Variants in KLF13 observed in about 807,000 individuals in gnomAD.
KLF13 encodes the protein KLF transcription factor 13.
A neutral mutation model predicts 16.7 loss-of-function variants in KLF13; 8 were observed. The observed-to-expected ratio is 0.48, with a 90% confidence interval of 0.28 to 0.87. KLF13 has a LOEUF of 0.87. Ranked by LOEUF, KLF13 falls within the 40% of genes least tolerant of loss-of-function variation. The probability of loss-of-function intolerance (pLI) is 0.10; values close to 1 mark genes in which losing one functional copy is unlikely to be tolerated. For synonymous variants in KLF13, 245 were observed against 208.4 expected, an observed-to-expected ratio of 1.18 and a Z score of -1.51; for missense variants, 447 against 452.2, an observed-to-expected ratio of 0.99 and a Z score of 0.10.
At chr15:31,350,317 G>C (rs890674586) in intron 1 of KLF13, among the ~76,000 whole-genome samples, 1 of 152,246 alleles carries the variant, frequency 6.6e-6, no homozygotes, top group Non-Finnish European at 1.5e-5. Context: ...CCTGGATGCC[G>C]ACCACATTGG....
chr15:31,412,384 C>T (rs576003742), intron 1 of KLF13, among the ~76,000 whole-genome samples: 19 of 149,906 alleles, frequency 1.3e-4, no homozygotes, highest in African/African-American at 4.7e-4. Flanking sequence ...CAAGACAAGA[C>T]ATAAAATATC....
intron 1 of KLF13, among the ~76,000 whole-genome samples, chr15:31,424,226 G>C (rs1476180699): frequency 6.6e-6 from 1 of 152,118 alleles, no homozygotes; most frequent in South Asian, 2.1e-4. Context: ...AATTTGATGA[G>C]ACCAACATTA....
chr15:31,355,543 ACCTT>A (rs1486123815), intron 1 of KLF13, among the ~76,000 whole-genome samples: 2 of 152,016 alleles, frequency 1.3e-5, no homozygotes, highest in Non-Finnish European at 2.9e-5. Context: ...TTTGGTATTT[ACCTT>A]TCCCAGCTCG....
rs925123341 is a variant in KLF13 at position 31,373,157 on chromosome 15, C to G, written c.*858C>G. On this transcript the variant is annotated 3_prime_UTR_variant, in exon 2 of 2. Transcript: ENST00000307145. ...ATGCAGGACCCTGTCACTACTATAC[C>G]TGGGCCTCTGATGGGGAATTCTGGT... 1 of 152,270 alleles carries G rather than the reference C, an allele frequency of 6.6e-6. No individual in the cohort carries two copies. The highest frequency in any genetic ancestry group is 2.4e-5 in the African/African-American group (1 of 41,464). 9.4% of individuals were successfully genotyped at this position (152,270 alleles called of 1,614,324 possible).
intron 1 of KLF13, among the ~76,000 whole-genome samples, chr15:31,366,730 C>CTCACTGTGTGCCCCCCTGTGT (rs2039478396): frequency 5.2e-4 from 1 of 1,920 alleles, no homozygotes; most frequent in Non-Finnish European, 7.7e-4. Flanking sequence ...GGCCCCTCAC[C>CTCACTGTGTGCCCCCCTGTGT]TCACTGTGTG....
At chr15:31,334,693 GC>G (rs2038897269) in intron 1 of KLF13, among the ~76,000 whole-genome samples, 1 of 150,634 alleles carries the variant, frequency 6.6e-6, no homozygotes, top group Non-Finnish European at 1.5e-5. Context: ...CTCCCAAAGT[GC>G]TGGGATTACA....
At chr15:31,432,880 C>G (rs945734258) in intron 1 of KLF13, among the ~76,000 whole-genome samples, 1 of 151,934 alleles carries the variant, frequency 6.6e-6, no homozygotes, top group Non-Finnish European at 1.5e-5. Context: ...TTTGGGAGGC[C>G]GAGGCAGGCG....
intron 1 of KLF13, among the ~76,000 whole-genome samples, chr15:31,427,624 A>T (rs1442617529): frequency 1.3e-5 from 2 of 152,238 alleles, no homozygotes; most frequent in Non-Finnish European, 2.9e-5. Flanking sequence ...ATGGTGTATG[A>T]GTCATTTCTC....
chr15:31,359,276 GTATTC>G (rs2039346166), intron 1 of KLF13, among the ~76,000 whole-genome samples: 1 of 152,206 alleles, frequency 6.6e-6, no homozygotes, highest in South Asian at 2.1e-4. Flanking sequence ...GAAACCATTG[GTATTC>G]TATTATTTCT....
chr15:31,329,741 T>A (rs2038793515), intron 1 of KLF13, among the ~76,000 whole-genome samples: 1 of 152,246 alleles, frequency 6.6e-6, no homozygotes, highest in Non-Finnish European at 1.5e-5. Context: ...TGCAGTGTGC[T>A]ACAGTGCTCG....
chr15:31,390,417 A>AT (rs1328232958), upstream of KLF13, among the ~76,000 whole-genome samples: 1 of 152,202 alleles, frequency 6.6e-6, no homozygotes, highest in Non-Finnish European at 1.5e-5. Flanking sequence ...TTGGCCTAGT[A>AT]TAGAAAACAA....
At chr15:31,354,082 TCCAATCCCTAC>T (rs2039261647) in intron 1 of KLF13, among the ~76,000 whole-genome samples, 1 of 152,188 alleles carries the variant, frequency 6.6e-6, no homozygotes, top group South Asian at 2.1e-4. Context: ...CTCAGGCCTA[TCCAATCCCTAC>T]CCAGCTTGGC....
At chr15:31,432,946 CT>C (rs1288837359) in intron 1 of KLF13, among the ~76,000 whole-genome samples, 1 of 152,162 alleles carries the variant, frequency 6.6e-6, no homozygotes, top group Admixed American at 6.5e-5. Context: ...GAAACCCCAT[CT>C]CTACTAAAAA....
At chr15:31,360,649 C>T (rs2039368659) in intron 1 of KLF13, among the ~76,000 whole-genome samples, 1 of 152,154 alleles carries the variant, frequency 6.6e-6, no homozygotes, top group Non-Finnish European at 1.5e-5. Context: ...AGGTTCCTAG[C>T]AGAAGCCCCG....
At chr15:31,333,579 G>C (rs1399624035) in intron 1 of KLF13, among the ~76,000 whole-genome samples, 1 of 152,028 alleles carries the variant, frequency 6.6e-6, no homozygotes, top group Non-Finnish European at 1.5e-5. Flanking sequence ...TCTAAAGAAA[G>C]AAAAATTAAT....
intron 1 of KLF13, chr15:31,420,257 A>T: frequency 1.4e-6 from 1 of 707,644 alleles, no homozygotes; most frequent in Non-Finnish European, 2.5e-6. Context: ...GACCCTCATG[A>T]TATCTGGTGA....
chr15:31,331,837 C>T (rs528448500), intron 1 of KLF13, among the ~76,000 whole-genome samples: 2 of 152,382 alleles, frequency 1.3e-5, no homozygotes, highest in Non-Finnish European at 2.9e-5. Flanking sequence ...GATGGATTTG[C>T]ACATATGCAT....
intron 1 of KLF13, chr15:31,420,452 A>C: frequency 1.2e-6 from 1 of 850,584 alleles, no homozygotes; most frequent in South Asian, 1.3e-5. Context: ...CAACATAGAC[A>C]CCCAGGGTAA....
intron 2 of KLF13, among the ~76,000 whole-genome samples, chr15:31,401,743 CCTGAACGCAGCA>C (rs2040039679): frequency 6.6e-6 from 1 of 152,186 alleles, no homozygotes; most frequent in Non-Finnish European, 1.5e-5. Context: ...GGTGCAGGGA[CCTGAACGCAGCA>C]GTGCAGCTCC....
Sources: gnomAD v4.1 joint callset for allele counts (sites outside exome capture counted in the v4.1 genomes callset) on GRCh38, gnomAD v4.1.1 for gene constraint, MANE v1.5 for transcripts, NCBI Gene and HGNC (gene_info 2026-07-23, HGNC 2026-07-21) for gene names.